The following TENM2 variants were observed in gnomAD, a reference collection of about 807,000 sequenced individuals.
TENM2 encodes the protein teneurin-2.
TENM2 carries 52 observed loss-of-function variants against 245.2 expected under a neutral mutation model. That is an observed-to-expected ratio of 0.21 (90% confidence interval 0.17 to 0.27). The LOEUF (loss-of-function observed/expected upper bound fraction) is 0.27, where lower values mean the gene tolerates loss of function less well. TENM2 is among the 10% of genes least tolerant of loss of function. The probability of loss-of-function intolerance (pLI) is 1.00; values close to 1 mark genes in which losing one functional copy is unlikely to be tolerated. For missense variants in TENM2, 3,046 were observed against 3,666.8 expected, an observed-to-expected ratio of 0.83 and a Z score of 4.37; for synonymous variants, 1,363 against 1,438.9, an observed-to-expected ratio of 0.95 and a Z score of 1.19.
chr5:167,019,035 A>T, the TENM2 span, among the ~76,000 whole-genome samples: 4 of 152,172 alleles, frequency 2.6e-5, no homozygotes, highest in African/African-American at 9.7e-5. Flanking sequence ...TGGTCTTCAG[A>T]CTTAATTGTG....
chr5:168,198,188 CTTT>C (rs35539116), intron 15 of TENM2, among the ~76,000 whole-genome samples: 3 of 95,838 alleles, frequency 3.1e-5, no homozygotes, highest in Non-Finnish European at 3.8e-5. Context: ...CCAATGAACC[CTTT>C]TTTTTTTTTT....
chr5:168,075,760 G>A (rs1199169949), intron 7 of TENM2, among the ~76,000 whole-genome samples: 1 of 152,236 alleles, frequency 6.6e-6, no homozygotes, highest in Non-Finnish European at 1.5e-5. Context: ...AAGGAAAGGA[G>A]GTTTAATGGA....
At chr5:167,338,500 A>T (rs1757908831) in intron 1 of TENM2, among the ~76,000 whole-genome samples, 1 of 152,214 alleles carries the variant, frequency 6.6e-6, no homozygotes, top group South Asian at 2.1e-4. Context: ...GAGAATCATG[A>T]TCTTTCTTAT....
intron 5 of TENM2, among the ~76,000 whole-genome samples, chr5:168,007,277 C>T (rs554518060): frequency 2.6e-5 from 4 of 152,206 alleles, no homozygotes; most frequent in Admixed American, 6.5e-5. Flanking sequence ...TACAGGCGCC[C>T]GCCATCACGC....
chr5:167,866,368 C>T (rs1435618022), intron 2 of TENM2, among the ~76,000 whole-genome samples: 2 of 152,088 alleles, frequency 1.3e-5, no homozygotes, highest in East Asian at 3.9e-4. Flanking sequence ...TGTGGTGGTG[C>T]ATGCCTATAA....
At chr5:167,735,807 C>T (rs1450768109) in intron 2 of TENM2, among the ~76,000 whole-genome samples, 1 of 150,794 alleles carries the variant, frequency 6.6e-6, no homozygotes, top group Non-Finnish European at 1.5e-5. Context: ...CCCTGTCTCA[C>T]AAAAAGAAAA....
At chr5:168,005,867 A>G (rs1784783574) in intron 5 of TENM2, among the ~76,000 whole-genome samples, 1 of 152,218 alleles carries the variant, frequency 6.6e-6, no homozygotes, top group African/African-American at 2.4e-5. Context: ...GTACCATAAG[A>G]AAAAGCAAGC....
the TENM2 span, among the ~76,000 whole-genome samples, chr5:167,043,430 G>A: frequency 2.0e-5 from 3 of 152,164 alleles, no homozygotes; most frequent in African/African-American, 4.8e-5. Flanking sequence ...TAATTTATAT[G>A]TGTGTGGGGT....
intron 2 of TENM2, among the ~76,000 whole-genome samples, chr5:167,610,285 T>C (rs764041249): frequency 6.6e-6 from 1 of 152,114 alleles, no homozygotes; most frequent in Non-Finnish European, 1.5e-5. Flanking sequence ...TAGAAACTCC[T>C]TGAACCTAGT....
At chr5:166,981,782 A>C in the TENM2 span, among the ~76,000 whole-genome samples, 1 of 152,002 alleles carries the variant, frequency 6.6e-6, no homozygotes, top group Non-Finnish European at 1.5e-5. Flanking sequence ...TTTTTTACCC[A>C]GCCACCCCTC....
At chr5:167,969,040 C>T (rs569383578) in intron 4 of TENM2, among the ~76,000 whole-genome samples, 18 of 152,310 alleles carry the variant, frequency 1.2e-4, no homozygotes, top group South Asian at 2.1e-4. Flanking sequence ...TCCTTTTGGT[C>T]TTTGTTTTTA....
At chr5:167,845,479 A>C (rs1362966959) in intron 2 of TENM2, among the ~76,000 whole-genome samples, 1 of 152,220 alleles carries the variant, frequency 6.6e-6, no homozygotes, top group Non-Finnish European at 1.5e-5. Flanking sequence ...TAAGAGGAAG[A>C]TCCAGACTCA....
the TENM2 span, among the ~76,000 whole-genome samples, chr5:167,008,510 A>T: frequency 6.6e-6 from 1 of 152,162 alleles, no homozygotes; most frequent in African/African-American, 2.4e-5. Flanking sequence ...TCCATTTACC[A>T]AAATGCAGGA....
chr5:167,220,332 C>T, the TENM2 span, among the ~76,000 whole-genome samples: 5 of 152,118 alleles, frequency 3.3e-5, no homozygotes, highest in African/African-American at 1.2e-4. Flanking sequence ...TTCCTATAGC[C>T]AATAGTGTTA....
At chr5:167,963,138 G>C (rs1480686564) in intron 4 of TENM2, among the ~76,000 whole-genome samples, 4 of 152,140 alleles carry the variant, frequency 2.6e-5, no homozygotes, top group Non-Finnish European at 2.9e-5. Context: ...TACTATCCGA[G>C]AAAGATCAAG....
intron 2 of TENM2, among the ~76,000 whole-genome samples, chr5:167,403,564 C>T (rs1762476504): frequency 6.6e-6 from 1 of 152,008 alleles, no homozygotes; most frequent in Non-Finnish European, 1.5e-5. Flanking sequence ...ATAGACAGAA[C>T]AAAAAACTTT....
At chr5:167,108,195 G>C in the TENM2 span, among the ~76,000 whole-genome samples, 2 of 150,726 alleles carry the variant, frequency 1.3e-5, no homozygotes, top group African/African-American at 2.4e-5. Flanking sequence ...GTGCAATCTC[G>C]ACTCACTGCA....
At chr5:168,232,770 C>CTCTT (rs1255329621) in intron 25 of TENM2, among the ~76,000 whole-genome samples, 1 of 152,218 alleles carries the variant, frequency 6.6e-6, no homozygotes, top group African/African-American at 2.4e-5. Context: ...ACGGAGGCAT[C>CTCTT]TCTTAGTGGA....
the TENM2 span, among the ~76,000 whole-genome samples, chr5:167,163,121 G>T: frequency 6.6e-6 from 1 of 152,208 alleles, no homozygotes; most frequent in Admixed American, 6.5e-5. Context: ...ATTCTTCAGA[G>T]GTGGGGGGTC....
Sources: gnomAD v4.1 joint callset for allele counts (sites outside exome capture counted in the v4.1 genomes callset) on GRCh38, gnomAD v4.1.1 for gene constraint, MANE v1.5 for transcripts, NCBI Gene and HGNC (gene_info 2026-07-23, HGNC 2026-07-21) for gene names.